DLC1: variants seen among roughly 807,000 people sequenced by gnomAD.
DLC1 encodes rho GTPase-activating protein 7.
In DLC1, 54 loss-of-function variants were observed where a neutral mutation model predicts 140.3. That is an observed-to-expected ratio of 0.38 (90% CI 0.31 to 0.48). DLC1 has a LOEUF of 0.48. Among genes scored for constraint, DLC1 ranks in the 20% least tolerant of loss-of-function variants. The probability of loss-of-function intolerance (pLI) is 0.96; values close to 1 mark genes in which losing one functional copy is unlikely to be tolerated. For missense variants in DLC1, 2,536 were observed against 1,907.0 expected (o/e 1.33, Z -6.14); for synonymous variants, 986 against 728.1 (o/e 1.35, Z -5.70).
chr8:13,332,435 T>TTC (rs1554498688), intron 4 of DLC1, among the ~76,000 whole-genome samples: 1 of 3,818 alleles, frequency 2.6e-4, no homozygotes, highest in Non-Finnish European at 1.2e-3. Flanking sequence ...TTCTTTTGTC[T>TTC]TTTTTTTTTT....
At chr8:13,556,578 G>A (rs1413087421) in intron 1 of DLC1, among the ~76,000 whole-genome samples, 1 of 152,028 alleles carries the variant, frequency 6.6e-6, no homozygotes, top group Non-Finnish European at 1.5e-5. Flanking sequence ...AGAGATTCTG[G>A]GCAGAGGTCA....
intron 4 of DLC1, among the ~76,000 whole-genome samples, chr8:13,361,340 G>A (rs76289108): frequency 0.21 from 32,042 of 151,592 alleles, 4,118 homozygotes; most frequent in Admixed American, 0.26. Context: ...CTGTAGCCTC[G>A]AACTCCTGGG....
At chr8:13,352,266 C>T (rs184163912) in intron 4 of DLC1, among the ~76,000 whole-genome samples, 236 of 152,364 alleles carry the variant, frequency 1.5e-3, no homozygotes, top group African/African-American at 5.2e-3. Context: ...CATAGAAAGT[C>T]AGCAAAAGCA....
intron 5 of DLC1, among the ~76,000 whole-genome samples, chr8:13,187,327 T>C (rs1231111832): frequency 6.6e-6 from 1 of 152,168 alleles, no homozygotes; most frequent in African/African-American, 2.4e-5. Flanking sequence ...AATCGGCATA[T>C]AATAGGTGCT....
chr8:13,313,323 T>G (rs897734397), intron 4 of DLC1, among the ~76,000 whole-genome samples: 1 of 152,176 alleles, frequency 6.6e-6, no homozygotes, highest in Non-Finnish European at 1.5e-5. Context: ...GAAAAGAAAT[T>G]GAAGGCATGC....
At chr8:13,583,920 G>A (rs190995203) in intron 1 of DLC1, 7 of 152,382 alleles carry the variant, frequency 4.6e-5, no homozygotes, top group African/African-American at 1.2e-4. Flanking sequence ...TGCACTGGAT[G>A]ACATCCTGGA....
Position 13,132,945 on chromosome 8 carries a change from T to C in DLC1, c.1349-17288A>G. ...CGGCAAGACGCAAGTCTAGCTTACG[T>C]GTTAGGATCATGGTGTCCGGCTTCT... is the stretch of plus-strand genomic sequence containing the variant. On this transcript the variant is annotated intron_variant, in intron 5 of 17. Transcript: ENST00000276297. 3 of 1,608,852 alleles carry C rather than the reference T, an allele frequency of 1.9e-6. No individual in the cohort carries two copies. The African/African-American group carries it at 4.0e-5, about 21-fold the overall frequency.
chr8:13,214,797 A>G (rs575814752), intron 5 of DLC1: 8 of 779,686 alleles, frequency 1.0e-5, no homozygotes, highest in Middle Eastern at 2.3e-4. Flanking sequence ...AGGGGAGGTA[A>G]AAAGGAGAGG....
intron 5 of DLC1, among the ~76,000 whole-genome samples, chr8:13,203,942 G>A (rs533221210): frequency 1.3e-5 from 2 of 152,086 alleles, no homozygotes; most frequent in African/African-American, 2.4e-5. Context: ...TACCCTGGAG[G>A]AGGCACCATG....
chr8:13,547,843 C>G (rs1036350698), intron 1 of DLC1, among the ~76,000 whole-genome samples: 2 of 151,948 alleles, frequency 1.3e-5, no homozygotes, highest in African/African-American at 4.8e-5. Flanking sequence ...TTTCTGTTTT[C>G]TAAAACACAC....
At chr8:13,358,632 C>G (rs1301062710) in intron 4 of DLC1, among the ~76,000 whole-genome samples, 1 of 151,686 alleles carries the variant, frequency 6.6e-6, no homozygotes, top group Non-Finnish European at 1.5e-5. Context: ...CTTAAATAAC[C>G]CCATCACGAA....
At chr8:13,100,905 T>TG in intron 8 of DLC1, 135 bp from the exon 9 acceptor site, 2 of 86,320 alleles carry the variant, frequency 2.3e-5, no homozygotes, top group South Asian at 1.0e-3. Context: ...AATTTTAAAG[T>TG]TTTTTTTTTT....
chr8:13,521,387 A>T (rs748687972), intron 1 of DLC1, among the ~76,000 whole-genome samples: 2 of 151,316 alleles, frequency 1.3e-5, no homozygotes, highest in African/African-American at 2.4e-5. Context: ...CATTCTGCAC[A>T]TGTATCCCAG....
At chr8:13,287,304 C>T (rs1831566518) in intron 5 of DLC1, among the ~76,000 whole-genome samples, 2 of 152,100 alleles carry the variant, frequency 1.3e-5, no homozygotes, top group South Asian at 4.1e-4. Flanking sequence ...AGTAAGCAAT[C>T]AGAAAATTCT....
At chr8:13,582,825 T>C (rs947050464) in intron 1 of DLC1, among the ~76,000 whole-genome samples, 2 of 106,322 alleles carry the variant, frequency 1.9e-5, no homozygotes, top group Non-Finnish European at 3.8e-5. Context: ...AGTCATACAA[T>C]TTTTTTTTGC....
chr8:13,134,986 G>C (rs755908739), intron 5 of DLC1, among the ~76,000 whole-genome samples: 1 of 152,070 alleles, frequency 6.6e-6, no homozygotes, highest in African/African-American at 2.4e-5. Flanking sequence ...ATGAAAAAGC[G>C]GTGCTGTGAG....
chr8:13,465,063 T>C (rs2117041543), intron 2 of DLC1, among the ~76,000 whole-genome samples: 1 of 152,174 alleles, frequency 6.6e-6, no homozygotes, highest in East Asian at 1.9e-4. Flanking sequence ...AATTCTAGTG[T>C]TGTAGGTTGA....
intron 7 of DLC1, among the ~76,000 whole-genome samples, chr8:13,104,746 T>C (rs1819413808): frequency 1.3e-5 from 2 of 152,238 alleles, no homozygotes; most frequent in African/African-American, 2.4e-5. Context: ...AAGCCCGATT[T>C]TGCCTTCATA....
At chr8:13,356,821 C>T (rs897830204) in intron 4 of DLC1, among the ~76,000 whole-genome samples, 1 of 151,644 alleles carries the variant, frequency 6.6e-6, no homozygotes, top group Non-Finnish European at 1.5e-5. Flanking sequence ...TATTCCTGGA[C>T]CACACTTCAC....
Sources: allele counts gnomAD v4.1 joint callset (sites outside exome capture counted in the v4.1 genomes callset), GRCh38; gene constraint gnomAD v4.1.1; transcripts MANE v1.5; gene names NCBI Gene and HGNC (gene_info 2026-07-23, HGNC 2026-07-21).